Variants in ATRN observed in about 807,000 individuals in gnomAD.
ATRN encodes the protein attractin-2.
In ATRN, 54 loss-of-function variants were observed where a neutral mutation model predicts 178.7. The ratio of observed to expected loss-of-function variants is 0.30; its 90% CI spans 0.24 to 0.38. The LOEUF (loss-of-function observed/expected upper bound fraction) is 0.38. Ranked by LOEUF, ATRN falls within the 10% of genes least tolerant of loss-of-function variation. The pLI is 1.00. For missense variants in ATRN, 1,443 were observed against 1,815.1 expected, an observed-to-expected ratio of 0.79 and a Z score of 3.73; for synonymous variants, 636 against 663.0, an observed-to-expected ratio of 0.96 and a Z score of 0.63.
chr20:3,586,840 C>T (rs953860407), intron 18 of ATRN, among the ~76,000 whole-genome samples: 7 of 152,092 alleles, frequency 4.6e-5, no homozygotes, highest in African/African-American at 1.7e-4. Flanking sequence ...AGTAGCTGCA[C>T]CATTTTATGC....
At chr20:3,597,821 A>G in intron 21 of ATRN, 85 bp from the exon 22 acceptor site, 2 of 822,246 alleles carry the variant, frequency 2.4e-6, no homozygotes, top group East Asian at 5.0e-5. Flanking sequence ...TACTTAATTT[A>G]TAAGAAAAGC....
intron 7 of ATRN, among the ~76,000 whole-genome samples, chr20:3,560,407 G>A (rs113435065): frequency 2.0e-5 from 3 of 152,176 alleles, no homozygotes; most frequent in Admixed American, 6.5e-5. Flanking sequence ...TGATAGACAC[G>A]TTGATTCCAT....
chr20:3,530,327 G>A (rs1182578830), intron 1 of ATRN, among the ~76,000 whole-genome samples: 8 of 149,904 alleles, frequency 5.3e-5, no homozygotes, highest in African/African-American at 9.8e-5. Flanking sequence ...GAAGTGGTGC[G>A]ATCTCAGCTC....
At chr20:3,536,318 C>T (rs2085532473) in intron 2 of ATRN, among the ~76,000 whole-genome samples, 1 of 152,140 alleles carries the variant, frequency 6.6e-6, no homozygotes, top group African/African-American at 2.4e-5. Flanking sequence ...AAGCGATTCT[C>T]CTGCCTCAGC....
chr20:3,575,699 A>G, intron 12 of ATRN, 128 bp from the exon 13 acceptor site: 3 of 1,049,802 alleles, frequency 2.9e-6, no homozygotes, highest in South Asian at 3.5e-5. Flanking sequence ...CATACCAAAT[A>G]TATTTTCCTG....
intron 1 of ATRN, among the ~76,000 whole-genome samples, chr20:3,474,623 C>T (rs1380285751): frequency 1.3e-5 from 2 of 151,632 alleles, no homozygotes; most frequent in South Asian, 2.1e-4. Context: ...AGGAGAATGG[C>T]GTGAACCCGG....
chr20:3,602,963 C>CAAAAAAAAAA (rs3842439), intron 23 of ATRN, among the ~76,000 whole-genome samples: 7 of 40,878 alleles, frequency 1.7e-4, no homozygotes, highest in African/African-American at 5.5e-4. Flanking sequence ...AATTCCATCT[C>CAAAAAAAAAA]AAAAAAAAAA....
At chr20:3,524,524 A>G (rs1386489683) in intron 1 of ATRN, among the ~76,000 whole-genome samples, 3 of 152,200 alleles carry the variant, frequency 2.0e-5, no homozygotes, top group Non-Finnish European at 4.4e-5. Context: ...AAAATTAACA[A>G]GGATATTCAG....
intron 19 of ATRN, among the ~76,000 whole-genome samples, chr20:3,592,739 T>C (rs1317031434): frequency 6.6e-6 from 1 of 152,092 alleles, no homozygotes; most frequent in African/African-American, 2.4e-5. Context: ...TCCCTTACTC[T>C]CCCTGGGGTT....
intron 18 of ATRN, 39 bp downstream of exon 18, chr20:3,584,919 A>G: frequency 6.4e-7 from 1 of 1,571,754 alleles, no homozygotes. Context: ...GTGTTTCACT[A>G]CTGATTTATG....
At chr20:3,544,599 T>C (rs1015095042) in intron 3 of ATRN, among the ~76,000 whole-genome samples, 2 of 152,036 alleles carry the variant, frequency 1.3e-5, no homozygotes, top group Non-Finnish European at 2.9e-5. Context: ...ACAATTAACC[T>C]CAGGAGTAAA....
Position 3,571,819 on chromosome 20 carries a change from T to A in ATRN, c.1872-912T>A, listed in dbSNP as rs372067241. Among the ~76,000 whole-genome samples, 37 of 152,294 alleles carry A rather than the reference T, an allele frequency of 2.4e-4. No homozygotes were observed. The Middle Eastern group carries it at 0.014, about 56-fold the overall frequency. ...TATAGCATTATTTCCATGTAAAACG[T>A]CTTTTTAATTCATATGACCAGATTT... On this transcript the variant is annotated intron_variant, in intron 11 of 28. Transcript: ENST00000262919.
chr20:3,556,776 G>A (rs562569236), intron 6 of ATRN, among the ~76,000 whole-genome samples: 5 of 151,778 alleles, frequency 3.3e-5, no homozygotes, highest in South Asian at 2.1e-4. Context: ...CATCAGTATC[G>A]TTCTTGTCTT....
intron 7 of ATRN, 73 bp from the exon 8 acceptor site, chr20:3,560,589 C>T: frequency 7.8e-7 from 1 of 1,280,366 alleles, no homozygotes; most frequent in Admixed American, 2.2e-5. Flanking sequence ...TAATATTGAG[C>T]TTTTGTTCTT....
intron 24 of ATRN, among the ~76,000 whole-genome samples, chr20:3,609,157 TGTG>T (rs566589469): frequency 5.9e-4 from 90 of 152,242 alleles, no homozygotes; most frequent in Non-Finnish European, 1.2e-3. Flanking sequence ...AGTCCACAAA[TGTG>T]GTGTCTCTTT....
chr20:3,589,791 G>C (rs1047098282), intron 18 of ATRN, among the ~76,000 whole-genome samples: 2 of 152,150 alleles, frequency 1.3e-5, no homozygotes, highest in South Asian at 4.1e-4. Context: ...ACTGGTGTGC[G>C]CATCTCCCTC....
intron 8 of ATRN, among the ~76,000 whole-genome samples, chr20:3,561,983 C>G (rs1031024041): frequency 3.9e-5 from 6 of 152,162 alleles, no homozygotes; most frequent in Non-Finnish European, 7.3e-5. Context: ...ACCTTAGCCT[C>G]CCAAAGTGCT....
At chr20:3,513,158 G>A (rs766688038) in intron 1 of ATRN, among the ~76,000 whole-genome samples, 7 of 152,240 alleles carry the variant, frequency 4.6e-5, no homozygotes, top group Non-Finnish European at 1.0e-4. Flanking sequence ...ATTGCTTTCG[G>A]TGTTTTAGTC....
At chr20:3,640,382 A>T (rs772008279) in intron 27 of ATRN, among the ~76,000 whole-genome samples, 48 of 152,218 alleles carry the variant, frequency 3.2e-4, no homozygotes, top group Non-Finnish European at 5.7e-4. Flanking sequence ...GAATGAGAAG[A>T]TCCAACTCAT....
Sources: allele counts gnomAD v4.1 joint callset (sites outside exome capture counted in the v4.1 genomes callset), GRCh38; gene constraint gnomAD v4.1.1; transcripts MANE v1.5; gene names NCBI Gene and HGNC (gene_info 2026-07-23, HGNC 2026-07-21).